The following CAPN13 variants were observed in gnomAD, a reference collection of about 807,000 sequenced individuals.
CAPN13 encodes calpain 13, also known as calpain-13.
Under a neutral mutation model 98.4 loss-of-function variants are expected in CAPN13, and 90 were observed. That is an observed-to-expected ratio of 0.92 (90% CI 0.77 to 1.09). The LOEUF is 1.09. Ranked by LOEUF, CAPN13 falls within the 50% of genes least tolerant of loss-of-function variation. The probability of loss-of-function intolerance (pLI) is 0.00; values close to 1 mark genes in which losing one functional copy is unlikely to be tolerated. For missense variants in CAPN13, 887 were observed against 841.3 expected, an observed-to-expected ratio of 1.05 and a Z score of -0.67; for synonymous variants, 330 against 305.5, an observed-to-expected ratio of 1.08 and a Z score of -0.84.
At chr2:30,764,082 C>G (rs1451055456) in intron 6 of CAPN13, 50 bp downstream of exon 6, 2 of 1,521,124 alleles carry the variant, frequency 1.3e-6, no homozygotes, top group African/African-American at 1.4e-5. Flanking sequence ...CTGAGCATTC[C>G]TGGCTGAGGA....
At chr2:30,752,929 C>T in intron 10 of CAPN13, 124 bp downstream of exon 10, 1 of 1,069,630 alleles carries the variant, frequency 9.3e-7, no homozygotes. Flanking sequence ...TGACAAACTC[C>T]CCTCCTTTCA....
intron 1 of CAPN13, among the ~76,000 whole-genome samples, chr2:30,789,696 A>G (rs920348890): frequency 2.0e-5 from 3 of 152,240 alleles, no homozygotes; most frequent in African/African-American, 7.2e-5. Flanking sequence ...CTCAGATGAA[A>G]CCATGCTCCC....
At chr2:30,741,358 C>A (rs1671643836) in intron 15 of CAPN13, 1 of 983,384 alleles carries the variant, frequency 1.0e-6, no homozygotes, top group Non-Finnish European at 1.2e-6. Context: ...TTCCACTTTC[C>A]ACACTAACAC....
intron 1 of CAPN13, among the ~76,000 whole-genome samples, chr2:30,792,767 A>G: frequency 6.6e-6 from 1 of 152,016 alleles, no homozygotes; most frequent in East Asian, 1.9e-4. Context: ...TCCTGAAAAA[A>G]AATTACAGAG....
At chr2:30,780,924 T>C (rs1285329753) in intron 2 of CAPN13, among the ~76,000 whole-genome samples, 2 of 152,204 alleles carry the variant, frequency 1.3e-5, no homozygotes, top group Non-Finnish European at 2.9e-5. Flanking sequence ...AGGCCACCTG[T>C]TACCAGATGG....
intron 2 of CAPN13, among the ~76,000 whole-genome samples, chr2:30,783,200 G>T (rs6717368): frequency 6.6e-6 from 1 of 152,156 alleles, no homozygotes; most frequent in Admixed American, 6.5e-5. Context: ...CCTAAAAGGG[G>T]TCCACTCTAA....
chr2:30,771,893 G>A (rs551109119), intron 4 of CAPN13, among the ~76,000 whole-genome samples: 14 of 152,320 alleles, frequency 9.2e-5, no homozygotes, highest in African/African-American at 3.1e-4. Context: ...CACAAAAGGT[G>A]AGATTATGAA....
chr2:30,792,022 T>A (rs1446486500), intron 1 of CAPN13, among the ~76,000 whole-genome samples: 2 of 152,166 alleles, frequency 1.3e-5, no homozygotes, highest in Non-Finnish European at 1.5e-5. Context: ...TTCTTCTACA[T>A]GCAAATTCAC....
intron 8 of CAPN13, among the ~76,000 whole-genome samples, chr2:30,756,144 G>A (rs770142353): frequency 1.3e-5 from 2 of 151,804 alleles, no homozygotes; most frequent in South Asian, 2.1e-4. Context: ...CAAACATCAC[G>A]GCCATGTTCA....
At chr2:30,748,911 CCTT>C (rs1672044231) in intron 11 of CAPN13, among the ~76,000 whole-genome samples, 1 of 152,152 alleles carries the variant, frequency 6.6e-6, no homozygotes, top group Non-Finnish European at 1.5e-5. Context: ...CGAAAGCTCT[CCTT>C]CTGCTAGAGC....
At chr2:30,732,107 A>G (rs1671128893) in intron 20 of CAPN13, among the ~76,000 whole-genome samples, 1 of 152,216 alleles carries the variant, frequency 6.6e-6, no homozygotes, top group African/African-American at 2.4e-5. Flanking sequence ...CCTGCAGCAA[A>G]GACCAAAATC....
At chr2:30,734,829 G>A (rs1279001138) in intron 18 of CAPN13, among the ~76,000 whole-genome samples, 1 of 152,186 alleles carries the variant, frequency 6.6e-6, no homozygotes, top group African/African-American at 2.4e-5. Context: ...TTTGCGTAGG[G>A]TAGTGGTTAA....
chr2:30,758,192 AG>A (rs1241671955), intron 7 of CAPN13, 55 bp from the exon 8 acceptor site: 4 of 1,344,540 alleles, frequency 3.0e-6, no homozygotes, highest in Admixed American at 2.3e-5. Context: ...GTCAGCAGAA[AG>A]GGGGATGAAT....
intron 19 of CAPN13, 58 bp from the exon 20 acceptor site, chr2:30,732,624 C>T: frequency 6.4e-7 from 1 of 1,559,912 alleles, no homozygotes; most frequent in South Asian, 1.2e-5. Context: ...GGTTCCTCTG[C>T]CTCTCAGGGT....
At chr2:30,776,711 C>T (rs1673717096) in intron 3 of CAPN13, among the ~76,000 whole-genome samples, 1 of 152,094 alleles carries the variant, frequency 6.6e-6, no homozygotes, top group Admixed American at 6.6e-5. Context: ...CGTTGTAAGC[C>T]CTTTTGAGCC....
At chr2:30,801,160 A>G (rs995108883) in intron 1 of CAPN13, among the ~76,000 whole-genome samples, 1 of 152,086 alleles carries the variant, frequency 6.6e-6, no homozygotes, top group Admixed American at 6.5e-5. Flanking sequence ...TCACTTCCCA[A>G]AGGCTTGAAC....
intron 4 of CAPN13, among the ~76,000 whole-genome samples, chr2:30,772,329 GA>G (rs763157445): frequency 1.3e-5 from 2 of 152,218 alleles, no homozygotes; most frequent in African/African-American, 2.4e-5. Context: ...CAAAGCATCT[GA>G]GGTGACCTGG....
At position 30,787,374 on chromosome 2, in the gene CAPN13, G is replaced by A; in HGVS notation, c.-32-17C>T. The A allele has an allele frequency of 6.5e-7, 1 of 1,549,952 alleles. No individual in the cohort carries two copies. Among genetic ancestry groups the A allele is most frequent in the Non-Finnish European group, 8.7e-7 (1 of 1,147,268 alleles). On this transcript the variant is annotated splice_polypyrimidine_tract_variant and intron_variant, in intron 1 of 22. Coordinates refer to ENST00000295055, the MANE Select transcript of CAPN13 (RefSeq NM_144575.3). The stretch of plus-strand genomic sequence containing the variant: ...GGTCCTTTCCTGTTGGTGAGAAAAA[G>A]GGATACCTTTGGGGTAAGCCATCAA...
Position 30,770,299 on chromosome 2 carries a change from G to A in CAPN13, c.524+14C>T, listed in dbSNP as rs777246605. 3.4e-4 allele frequency: 551 copies of A among 1,612,584 alleles called. No homozygotes were observed. Among genetic ancestry groups the A allele is most frequent in the Non-Finnish European group, 4.2e-4 (494 of 1,179,120 alleles). The stretch of plus-strand genomic sequence containing the variant: ...CTGAAACTCTGGGCTGATGGGTGGC[G>A]GGGTTGTACTTACTTGGCATAGGCC... On this transcript the variant is annotated intron_variant, in intron 5 of 22. Coordinates refer to ENST00000295055, the MANE Select transcript of CAPN13 (RefSeq NM_144575.3).
Sources: allele counts gnomAD v4.1 joint callset (sites outside exome capture counted in the v4.1 genomes callset), GRCh38; gene constraint gnomAD v4.1.1; transcripts MANE v1.5; gene names NCBI Gene and HGNC (gene_info 2026-07-23, HGNC 2026-07-21).